Variants in XPC observed in about 807,000 individuals in gnomAD.
XPC encodes the protein DNA repair protein complementing XP-C cells.
In XPC, 76 loss-of-function variants were observed where a neutral mutation model predicts 95.8. The observed-to-expected ratio is 0.79, with a 90% confidence interval of 0.66 to 0.96. The LOEUF (loss-of-function observed/expected upper bound fraction) is 0.96. Among genes scored for constraint, XPC ranks in the 40% least tolerant of loss-of-function variants. The pLI is 0.00. For missense variants in XPC, 1,146 were observed against 1,179.8 expected (o/e 0.97, Z 0.42); for synonymous variants, 442 against 442.1 (o/e 1.00, Z 0.00).
rs765044214 is a variant in XPC at position 14,146,179 on chromosome 3, G to A, written c.2605-20C>T. On this transcript the variant is annotated intron_variant, in intron 15 of 15. Coordinates refer to ENST00000285021, the MANE Select transcript of XPC (RefSeq NM_004628.5). ...CTCACTCTGGACAGGTGGCAGTGGT[G>A]GGAGGACACAGGCGAGGGTTAGTAA... The A allele has an allele frequency of 6.3e-7, 1 of 1,592,206 alleles. No homozygotes were observed. Among genetic ancestry groups the A allele is most frequent in the South Asian group, 1.1e-5 (1 of 88,824 alleles).
At chr3:14,146,285 T>C in intron 15 of XPC, 126 bp from the exon 16 acceptor site, 1 of 879,448 alleles carries the variant, frequency 1.1e-6, no homozygotes, top group Non-Finnish European at 1.8e-6. Context: ...GACAAGGGCA[T>C]GGGACAGGGC....
intron 11 of XPC, 130 bp from the exon 12 acceptor site, chr3:14,149,078 G>T: frequency 7.4e-7 from 1 of 1,345,432 alleles, no homozygotes; most frequent in Non-Finnish European, 1.0e-6. Flanking sequence ...CAGCTGGGGT[G>T]CTTTTTCTCC....
chr3:14,146,182 A>G (rs1438932537), intron 15 of XPC, 23 bp from the exon 16 acceptor site: 1 of 1,588,386 alleles, frequency 6.3e-7, no homozygotes, highest in South Asian at 1.1e-5. Context: ...CAGTGGTGGG[A>G]GGACACAGGC....
chr3:14,175,767 A>G (rs1696790800), intron 1 of XPC, among the ~76,000 whole-genome samples: 2 of 152,206 alleles, frequency 1.3e-5, no homozygotes, highest in South Asian at 4.1e-4. Flanking sequence ...TAAAACCTAC[A>G]CTATTACAGT....
intron 1 of XPC, among the ~76,000 whole-genome samples, chr3:14,175,892 C>G (rs1208065528): frequency 6.6e-6 from 1 of 152,240 alleles, no homozygotes; most frequent in Non-Finnish European, 1.5e-5. Context: ...TGTAACTCTG[C>G]AGATCCTGGA....
chr3:14,145,776 C>A lies in XPC; in HGVS notation c.*165G>T. ...CCAGACGGGACCTGCAGCACCTCCT[C>A]AGCTTGGCCTCGTCTCCCCTGACCC... is the stretch of plus-strand genomic sequence containing the variant. On this transcript the variant is annotated 3_prime_UTR_variant, in exon 16 of 16. Coordinates refer to ENST00000285021, the MANE Select transcript of XPC (RefSeq NM_004628.5). 1 of 833,238 alleles carries A rather than the reference C, an allele frequency of 1.2e-6. No individual in the cohort carries two copies. Among genetic ancestry groups the A allele is most frequent in the South Asian group, 1.4e-5 (1 of 69,502 alleles). The allele number at this position is 833,238 out of a possible 1,614,324, so 51.6% of individuals were successfully genotyped here.
chr3:14,178,433 T>C (rs1327224375), intron 1 of XPC, 33 bp downstream of exon 1: 1 of 1,573,454 alleles, frequency 6.4e-7, no homozygotes, highest in East Asian at 2.3e-5. Flanking sequence ...ACCGGCGGCG[T>C]CTCCCGCGAA....
chr3:14,167,015 C>G (rs774239922), intron 5 of XPC, among the ~76,000 whole-genome samples, 154 bp downstream of exon 5: 1 of 152,200 alleles, frequency 6.6e-6, no homozygotes. Flanking sequence ...GACACTATTA[C>G]TACCCCCACC....
chr3:14,166,222 TC>T (rs1208393933), intron 5 of XPC, among the ~76,000 whole-genome samples: 1 of 152,042 alleles, frequency 6.6e-6, no homozygotes, highest in Non-Finnish European at 1.5e-5. Flanking sequence ...ACTAACAGCC[TC>T]CCTATTTTAA....
chr3:14,159,696 T>C (rs1425714008), intron 8 of XPC, 45 bp downstream of exon 8: 2 of 1,504,710 alleles, frequency 1.3e-6, no homozygotes, highest in Non-Finnish European at 1.8e-6. Context: ...GTGTGACAAT[T>C]TCCTGTCAAT....
chr3:14,174,514 G>A (rs765214737), intron 1 of XPC, among the ~76,000 whole-genome samples: 23 of 152,174 alleles, frequency 1.5e-4, no homozygotes, highest in African/African-American at 2.4e-4. Context: ...TTTTATTTCC[G>A]TTTGAAGAGA....
chr3:14,154,015 G>T (rs1238268136), intron 10 of XPC, among the ~76,000 whole-genome samples: 1 of 152,206 alleles, frequency 6.6e-6, no homozygotes, highest in East Asian at 1.9e-4. Flanking sequence ...TGACAGGTAG[G>T]CAGCATCTGG....
chr3:14,148,938 C>G lies in XPC; in HGVS notation c.2126G>C (p.Gly709Ala). 6.2e-7 allele frequency: 1 copy of G among 1,613,984 alleles called. No homozygotes were observed. The highest frequency in any genetic ancestry group is 8.5e-7 in the Non-Finnish European group (1 of 1,179,892). Reference sequence around the variant, plus strand: ...GGCTTTCCGAGCACGGTTAGAAAAGCCTTTCACCATCTGCACCAGAGGACA... The same window carrying G: ...GGCTTTCCGAGCACGGTTAGAAAAGGCTTTCACCATCTGCACCAGAGGACA... ...LGEVPYKMVKGFSNRARKARL... is the reference protein window; with the variant it reads ...LGEVPYKMVKAFSNRARKARL... The change falls in exon 12 of 16, where the codon GGC (glycine) becomes GCC (alanine). Residue 709 changes from glycine (G) to alanine (A), a missense_variant. Gly to Ala is a moderately conservative substitution (Grantham distance 60). Transcript: ENST00000285021.
chr3:14,161,968 G>A (rs1220457814), intron 7 of XPC, among the ~76,000 whole-genome samples: 2 of 151,948 alleles, frequency 1.3e-5, no homozygotes, highest in Non-Finnish European at 1.5e-5. Context: ...CAGGGTACAA[G>A]ACAACACAAA....
chr3:14,159,820 A>G lies in XPC; in HGVS notation c.911T>C (p.Leu304Pro), dbSNP rs1399236657. The G allele has an allele frequency of 1.3e-6, 2 of 1,555,408 alleles. No homozygotes were observed. ...DDEELVHIFL[L>P]ILRALQLLTR... The stretch of plus-strand genomic sequence containing the variant: ...CAAGAGCTGCAGAGCCCGGAGAATC[A>G]GTAAGAATATCTATGATGAAAAGGA... The change falls in exon 8 of 16, where the codon CTG (leucine) becomes CCG (proline). Residue 304 changes from leucine to proline, a missense_variant. Coordinates refer to ENST00000285021, the MANE Select transcript of XPC (RefSeq NM_004628.5).
At chr3:14,172,770 T>C (rs1574977108) in intron 2 of XPC, 97 bp downstream of exon 2, 8 of 1,350,164 alleles carry the variant, frequency 5.9e-6, no homozygotes, top group Non-Finnish European at 8.0e-6. Flanking sequence ...CAATCTTCCA[T>C]GGACCCCAGT....
chr3:14,148,490 T>C (rs954747861), intron 13 of XPC, 72 bp downstream of exon 13: 3 of 1,572,268 alleles, frequency 1.9e-6, no homozygotes, highest in Non-Finnish European at 2.6e-6. Context: ...CCATGCCAGC[T>C]TTCCATCCCC....
chr3:14,176,740 T>G (rs1696832851), intron 1 of XPC, among the ~76,000 whole-genome samples: 1 of 152,210 alleles, frequency 6.6e-6, no homozygotes, highest in Non-Finnish European at 1.5e-5. Context: ...GGTTACCTAG[T>G]CTAATCTACC....
intron 1 of XPC, among the ~76,000 whole-genome samples, chr3:14,174,633 C>A (rs1696740133): frequency 1.3e-5 from 2 of 152,158 alleles, no homozygotes; most frequent in South Asian, 4.1e-4. Context: ...GAATGTCCAA[C>A]CATGAGATAA....
Sources: gnomAD v4.1 joint callset for allele counts (sites outside exome capture counted in the v4.1 genomes callset) on GRCh38, gnomAD v4.1.1 for gene constraint, MANE v1.5 for transcripts, NCBI Gene and HGNC (gene_info 2026-07-23, HGNC 2026-07-21) for gene names.